The following DDHD1 variants were observed in gnomAD, a reference collection of about 807,000 sequenced individuals.
DDHD1 encodes the protein DDHD domain containing 1.
A neutral mutation model predicts 96.4 loss-of-function variants in DDHD1; 49 were observed. The ratio of observed to expected loss-of-function variants is 0.51; its 90% CI spans 0.40 to 0.64. DDHD1 has a LOEUF of 0.64. DDHD1 is among the 30% of genes least tolerant of loss of function. DDHD1 has a pLI of 0.00. For synonymous variants in DDHD1, 442 were observed against 446.5 expected, an observed-to-expected ratio of 0.99 and a Z score of 0.13; for missense variants, 1,106 against 1,161.2, an observed-to-expected ratio of 0.95 and a Z score of 0.69.
At chr14:53,093,746 G>A (rs138636776) in intron 2 of DDHD1, 3 of 286,330 alleles carry the variant, frequency 1.0e-5, no homozygotes, top group Admixed American at 5.7e-5. Flanking sequence ...ATAATTAACT[G>A]CTTTCCCGGG....
At chr14:53,068,757 T>G (rs530511222) in intron 6 of DDHD1, among the ~76,000 whole-genome samples, 2 of 152,272 alleles carry the variant, frequency 1.3e-5, no homozygotes, top group East Asian at 3.9e-4. Flanking sequence ...AGTGTATGAT[T>G]ATTGTCGCTC....
At chr14:53,071,985 T>C (rs1884547482) in intron 6 of DDHD1, among the ~76,000 whole-genome samples, 1 of 152,106 alleles carries the variant, frequency 6.6e-6, no homozygotes, top group Non-Finnish European at 1.5e-5. Flanking sequence ...TCCTCATCCT[T>C]CAAATGAGGA....
At chr14:53,102,691 A>T (rs1175282603) in intron 2 of DDHD1, among the ~76,000 whole-genome samples, 4 of 151,912 alleles carry the variant, frequency 2.6e-5, no homozygotes, top group Non-Finnish European at 5.9e-5. Flanking sequence ...AGAGAGAAAA[A>T]ATATGGAGTG....
chr14:53,146,934 T>C (rs1183803934), intron 1 of DDHD1, among the ~76,000 whole-genome samples: 1 of 151,322 alleles, frequency 6.6e-6, no homozygotes, highest in East Asian at 1.9e-4. Context: ...GCTGACAGTT[T>C]TTTTTTTTTT....
At chr14:53,093,494 T>C in intron 2 of DDHD1, 50 bp from the exon 3 acceptor site, 1 of 1,586,236 alleles carries the variant, frequency 6.3e-7, no homozygotes, top group Non-Finnish European at 8.5e-7. Flanking sequence ...ACAAACTTTA[T>C]TTGTTTGAAG....
intron 1 of DDHD1, among the ~76,000 whole-genome samples, chr14:53,123,424 A>C (rs572348389): frequency 6.6e-6 from 1 of 152,258 alleles, no homozygotes; most frequent in East Asian, 1.9e-4. Flanking sequence ...CTGGGATTAT[A>C]GGCATGAGCC....
At chr14:53,090,616 T>C (rs1314936907) in intron 4 of DDHD1, among the ~76,000 whole-genome samples, 2 of 152,098 alleles carry the variant, frequency 1.3e-5, no homozygotes, top group African/African-American at 4.8e-5. Flanking sequence ...CAGCAAACTA[T>C]CGCAAGGACA....
chr14:53,147,369 T>C (rs1381424663), intron 1 of DDHD1, among the ~76,000 whole-genome samples: 1 of 152,046 alleles, frequency 6.6e-6, no homozygotes, highest in East Asian at 1.9e-4. Flanking sequence ...AAACCAGAGG[T>C]GGTTGACAGG....
intron 1 of DDHD1, among the ~76,000 whole-genome samples, chr14:53,113,704 T>C (rs928729964): frequency 6.6e-6 from 1 of 152,178 alleles, no homozygotes; most frequent in South Asian, 2.1e-4. Flanking sequence ...GCTGGGTTAC[T>C]ATGCTTTTCC....
At chr14:53,092,538 C>T (rs1886516329) in intron 3 of DDHD1, 1 of 152,028 alleles carries the variant, frequency 6.6e-6, no homozygotes, top group Non-Finnish European at 1.5e-5. Flanking sequence ...TTCATTTAGT[C>T]AAACTTCTCT....
intron 8 of DDHD1, among the ~76,000 whole-genome samples, chr14:53,060,754 C>A (rs2139860373): frequency 6.6e-6 from 1 of 152,256 alleles, no homozygotes; most frequent in South Asian, 2.1e-4. Flanking sequence ...TGCCATTCCT[C>A]TTAAACAGAA....
rs1266438952 is a variant in DDHD1, at chr14:53,118,652, T to C, written c.839-14796A>G. On this transcript the variant is annotated intron_variant, in intron 1 of 12. Coordinates refer to ENST00000673822, the MANE Select transcript of DDHD1 (RefSeq NM_001160148.2). ...AAACAAACAAAGCCTCCAAGAAATA[T>C]GGGACTATGTGAAAAGACCAAATCT... 2.0e-5 allele frequency among the ~76,000 whole-genome samples: 3 copies of C among 152,084 alleles called. No individual in the cohort carries two copies. In the East Asian group the frequency reaches 5.8e-4, roughly 29 times the overall value.
intron 1 of DDHD1, among the ~76,000 whole-genome samples, chr14:53,128,969 T>TA: frequency 6.6e-6 from 1 of 152,290 alleles, no homozygotes; most frequent in South Asian, 2.1e-4. Flanking sequence ...AGGTACTTTA[T>TA]AATATTCTCC....
At chr14:53,136,127 T>C (rs1245165240) in intron 1 of DDHD1, among the ~76,000 whole-genome samples, 1 of 152,202 alleles carries the variant, frequency 6.6e-6, no homozygotes, top group Non-Finnish European at 1.5e-5. Flanking sequence ...GAATGTACTT[T>C]ATGAGATCCA....
chr14:53,050,926 A>G (rs1882490819), intron 12 of DDHD1, among the ~76,000 whole-genome samples: 1 of 152,048 alleles, frequency 6.6e-6, no homozygotes, highest in African/African-American at 2.4e-5. Flanking sequence ...AATGCAAAAA[A>G]CATAAATAAA....
intron 3 of DDHD1, 170 bp downstream of exon 3, chr14:53,093,146 C>T (rs1886577266): frequency 4.1e-6 from 2 of 485,550 alleles, no homozygotes; most frequent in Admixed American, 4.4e-5. Flanking sequence ...CCTTGATGAA[C>T]ACATGTCAAC....
At chr14:53,075,322 GA>G (rs142472977) in intron 4 of DDHD1, among the ~76,000 whole-genome samples, 1,531 of 152,166 alleles carry the variant, frequency 0.01, 30 homozygotes, top group African/African-American at 0.035. Context: ...ATAAGAAAAT[GA>G]AAAAGCCTTA....
chr14:53,150,047 T>TCCATCCTGTCCCTGACCAAACA (rs1374455029), intron 1 of DDHD1: 1 of 152,136 alleles, frequency 6.6e-6, no homozygotes, highest in East Asian at 1.9e-4. Context: ...CTTCACAATC[T>TCCATCCTGTCCCTGACCAAACA]CCATCCTGTC....
intron 2 of DDHD1, among the ~76,000 whole-genome samples, chr14:53,100,675 A>C (rs1887232064): frequency 6.6e-6 from 1 of 152,188 alleles, no homozygotes. Flanking sequence ...AGCCAAGGTC[A>C]GAAGAAAAAG....
Sources: allele counts gnomAD v4.1 joint callset (sites outside exome capture counted in the v4.1 genomes callset), GRCh38; gene constraint gnomAD v4.1.1; transcripts MANE v1.5; gene names NCBI Gene and HGNC (gene_info 2026-07-23, HGNC 2026-07-21).